PTPRG: variants seen among roughly 807,000 people sequenced by gnomAD.
PTPRG encodes the protein receptor-type tyrosine-protein phosphatase gamma.
In PTPRG, 102 loss-of-function variants were observed where a neutral mutation model predicts 165.3. The ratio of observed to expected loss-of-function variants is 0.62; its 90% CI spans 0.53 to 0.73. The LOEUF (loss-of-function observed/expected upper bound fraction) is 0.73. PTPRG is among the 30% of genes least tolerant of loss of function. The pLI is 0.00. For missense variants in PTPRG, 1,866 were observed against 1,861.4 expected, an observed-to-expected ratio of 1.00 and a Z score of -0.05; for synonymous variants, 675 against 669.5, an observed-to-expected ratio of 1.01 and a Z score of -0.13.
chr3:62,191,268 G>A (rs992055848), intron 8 of PTPRG, among the ~76,000 whole-genome samples: 17 of 150,360 alleles, frequency 1.1e-4, no homozygotes, highest in African/African-American at 3.4e-4. Context: ...TCTGTGTCCC[G>A]TGCACGTGTG....
At chr3:61,867,321 A>G (rs2037439782) in intron 2 of PTPRG, among the ~76,000 whole-genome samples, 1 of 152,170 alleles carries the variant, frequency 6.6e-6, no homozygotes, top group Non-Finnish European at 1.5e-5. Context: ...GAATGGTTAA[A>G]TGGGTAATTG....
intron 9 of PTPRG, among the ~76,000 whole-genome samples, chr3:62,193,601 C>A (rs901751279): frequency 6.6e-6 from 1 of 152,214 alleles, no homozygotes; most frequent in Non-Finnish European, 1.5e-5. Context: ...ATCCACCTTC[C>A]GCATCGTCAC....
At chr3:61,715,152 GAATCAT>G (rs1179430244) in intron 1 of PTPRG, among the ~76,000 whole-genome samples, 14 of 151,672 alleles carry the variant, frequency 9.2e-5, no homozygotes, top group Admixed American at 5.3e-4. Context: ...GCTACAGAGA[GAATCAT>G]CTCCTGCTTG....
intron 1 of PTPRG, among the ~76,000 whole-genome samples, chr3:61,634,297 G>A (rs2106936490): frequency 6.6e-6 from 1 of 152,124 alleles, no homozygotes; most frequent in South Asian, 2.1e-4. Context: ...GAGTGCAGTG[G>A]TGCGATCTCG....
chr3:62,215,134 C>T (rs1314926078), intron 12 of PTPRG, among the ~76,000 whole-genome samples: 1 of 152,182 alleles, frequency 6.6e-6, no homozygotes, highest in Non-Finnish European at 1.5e-5. Flanking sequence ...GAAGGCTCTG[C>T]TCCTGAAGAG....
chr3:61,597,552 A>G (rs763622007), intron 1 of PTPRG, among the ~76,000 whole-genome samples: 1 of 152,206 alleles, frequency 6.6e-6, no homozygotes, highest in Non-Finnish European at 1.5e-5. Flanking sequence ...TATCTAGGGC[A>G]TGTAAGTCCA....
intron 1 of PTPRG, among the ~76,000 whole-genome samples, chr3:61,637,111 G>A (rs1575554838): frequency 6.6e-6 from 1 of 152,312 alleles, no homozygotes; most frequent in African/African-American, 2.4e-5. Flanking sequence ...TCTGTGTGGA[G>A]TTGGCGGACT....
intron 2 of PTPRG, among the ~76,000 whole-genome samples, chr3:61,843,225 C>A (rs1451398836): frequency 6.6e-6 from 1 of 152,018 alleles, no homozygotes; most frequent in Non-Finnish European, 1.5e-5. Context: ...AAGCAAGAAC[C>A]ATCAGAAATA....
intron 7 of PTPRG, among the ~76,000 whole-genome samples, chr3:62,162,345 A>G (rs1278023839): frequency 6.6e-6 from 1 of 151,694 alleles, no homozygotes; most frequent in African/African-American, 2.4e-5. Context: ...AAGCAGGGAT[A>G]AAAGAAAGAA....
intron 1 of PTPRG, among the ~76,000 whole-genome samples, chr3:61,616,063 G>A (rs748467098): frequency 3.3e-5 from 5 of 152,244 alleles, no homozygotes; most frequent in South Asian, 2.1e-4. Context: ...CAATTCTCCC[G>A]CCTCAGCCTC....
At chr3:61,990,559 G>A (rs2040859892) in intron 3 of PTPRG, among the ~76,000 whole-genome samples, 1 of 152,142 alleles carries the variant, frequency 6.6e-6, no homozygotes, top group Admixed American at 6.5e-5. Context: ...GATTGTCCTT[G>A]TAAGTACCAG....
chr3:61,894,892 G>A (rs2038309895), intron 2 of PTPRG, among the ~76,000 whole-genome samples: 1 of 151,912 alleles, frequency 6.6e-6, no homozygotes, highest in Non-Finnish European at 1.5e-5. Context: ...TGCAATGCTA[G>A]CATCCCTCTC....
At chr3:61,755,673 T>C (rs1435312141) in intron 2 of PTPRG, among the ~76,000 whole-genome samples, 1 of 152,162 alleles carries the variant, frequency 6.6e-6, no homozygotes, top group African/African-American at 2.4e-5. Flanking sequence ...AGGACACACA[T>C]AGGCCTTGAG....
chr3:61,724,803 C>T (rs2032190552), intron 1 of PTPRG, among the ~76,000 whole-genome samples: 2 of 152,002 alleles, frequency 1.3e-5, no homozygotes, highest in African/African-American at 2.4e-5. Flanking sequence ...CTTTTGCCCA[C>T]TTTCTTATTG....
At chr3:61,977,946 C>G (rs972973031) in intron 2 of PTPRG, among the ~76,000 whole-genome samples, 9 of 152,076 alleles carry the variant, frequency 5.9e-5, no homozygotes, top group African/African-American at 2.2e-4. Context: ...TACTTTTTCC[C>G]CCAATGAATT....
At chr3:61,836,048 G>A (rs1466588215) in intron 2 of PTPRG, among the ~76,000 whole-genome samples, 13 of 32,116 alleles carry the variant, frequency 4.0e-4, no homozygotes, top group Admixed American at 3.1e-3. Context: ...CTCACCCCCC[G>A]CGCCCCCCCC....
At chr3:61,980,192 T>G (rs1403218583) in intron 2 of PTPRG, among the ~76,000 whole-genome samples, 1 of 152,144 alleles carries the variant, frequency 6.6e-6, no homozygotes, top group Non-Finnish European at 1.5e-5. Flanking sequence ...TAACTGCCAG[T>G]TTTGTTTTGC....
chr3:62,095,000 A>G (rs1260475033), intron 5 of PTPRG, among the ~76,000 whole-genome samples: 1 of 152,248 alleles, frequency 6.6e-6, no homozygotes, highest in East Asian at 1.9e-4. Context: ...CTTCCAGAGC[A>G]GCAACATCAT....
At chr3:61,758,891 C>T (rs1044497855) in intron 2 of PTPRG, among the ~76,000 whole-genome samples, 2 of 152,120 alleles carry the variant, frequency 1.3e-5, no homozygotes, top group African/African-American at 4.8e-5. Flanking sequence ...GAATAAGTGT[C>T]TAATATATGC....
Sources: gnomAD v4.1 joint callset for allele counts (sites outside exome capture counted in the v4.1 genomes callset) on GRCh38, gnomAD v4.1.1 for gene constraint, MANE v1.5 for transcripts, NCBI Gene and HGNC (gene_info 2026-07-23, HGNC 2026-07-21) for gene names.